Variants in WDFY3 observed in about 807,000 individuals in gnomAD.
WDFY3 encodes WD repeat and FYVE domain containing 3.
WDFY3 carries 66 observed loss-of-function variants against 409.6 expected under a neutral mutation model. That is an observed-to-expected ratio of 0.16 (90% CI 0.13 to 0.20). WDFY3 has a LOEUF of 0.20. Ranked by LOEUF, WDFY3 falls within the 10% of genes least tolerant of loss-of-function variation. The probability of loss-of-function intolerance (pLI) is 1.00; values close to 1 mark genes in which losing one functional copy is unlikely to be tolerated. For missense variants in WDFY3, 3,031 were observed against 4,298.1 expected, an observed-to-expected ratio of 0.71 and a Z score of 8.24; for synonymous variants, 1,521 against 1,537.1, an observed-to-expected ratio of 0.99 and a Z score of 0.25.
At chr4:84,711,778 G>A (rs1215656057) in intron 51 of WDFY3, among the ~76,000 whole-genome samples, 1 of 151,776 alleles carries the variant, frequency 6.6e-6, no homozygotes. Context: ...TTGAACCTGG[G>A]ACGCGGAGGC....
chr4:84,715,280 G>C lies in WDFY3; in HGVS notation c.7961+18C>G. The C allele has an allele frequency of 6.7e-7, 1 of 1,488,280 alleles. No homozygotes were observed. The highest frequency in any genetic ancestry group is 9.3e-7 in the Non-Finnish European group (1 of 1,069,560). 92.2% of individuals were successfully genotyped at this position (1,488,280 alleles called of 1,614,324 possible). A position where few individuals can be genotyped will look rare whatever the true frequency, so the allele number is the denominator to read the frequency against. ...ATCTTCCCATAATAGTATACAAAGT[G>C]TTCCGAATAAACAAGACCTTTGATA... On this transcript the variant is annotated intron_variant, in intron 50 of 67. Transcript: ENST00000295888.
intron 3 of WDFY3, among the ~76,000 whole-genome samples, chr4:84,887,785 A>T (rs1301463449): frequency 2.0e-5 from 3 of 152,206 alleles, no homozygotes; most frequent in Admixed American, 2.0e-4. Context: ...TATTAAATGG[A>T]AGCTCTTTGT....
At chr4:84,934,225 G>A (rs376902615) in intron 1 of WDFY3, among the ~76,000 whole-genome samples, 1 of 152,092 alleles carries the variant, frequency 6.6e-6, no homozygotes, top group Non-Finnish European at 1.5e-5. Flanking sequence ...TTAATGGGAC[G>A]AGTTGATACC....
At chr4:84,744,522 T>C (rs925160250) in intron 36 of WDFY3, among the ~76,000 whole-genome samples, 2 of 151,388 alleles carry the variant, frequency 1.3e-5, no homozygotes, top group Non-Finnish European at 2.9e-5. Context: ...TGATTTTGAG[T>C]CAAGCCTGTG....
intron 16 of WDFY3, among the ~76,000 whole-genome samples, chr4:84,802,367 C>A (rs995157229): frequency 6.6e-6 from 1 of 151,750 alleles, no homozygotes; most frequent in Non-Finnish European, 1.5e-5. Flanking sequence ...TCAAGCAATT[C>A]TCCTGCCTCA....
intron 50 of WDFY3, among the ~76,000 whole-genome samples, chr4:84,714,266 T>C (rs938622894): frequency 3.3e-5 from 5 of 152,116 alleles, no homozygotes; most frequent in Non-Finnish European, 7.4e-5. Flanking sequence ...TGTGCCACCA[T>C]GCCCGGCTAA....
intron 64 of WDFY3, 60 bp downstream of exon 64, chr4:84,682,314 C>T (rs1230428007): frequency 1.3e-5 from 20 of 1,508,218 alleles, no homozygotes; most frequent in Non-Finnish European, 1.8e-5. Context: ...TAAGCTTATC[C>T]ACAGTGACTT....
chr4:84,897,370 TTTTTA>T (rs1429538211), intron 2 of WDFY3, among the ~76,000 whole-genome samples: 2 of 152,092 alleles, frequency 1.3e-5, no homozygotes, highest in Non-Finnish European at 2.9e-5. Flanking sequence ...AAATGCACTT[TTTTTA>T]TTTTATTATT....
intron 2 of WDFY3, among the ~76,000 whole-genome samples, chr4:84,917,629 A>G (rs1416797420): frequency 6.6e-6 from 1 of 152,144 alleles, no homozygotes; most frequent in Non-Finnish European, 1.5e-5. Context: ...TTTCTATTAA[A>G]CACAGCAAAT....
intron 15 of WDFY3, among the ~76,000 whole-genome samples, chr4:84,808,121 T>C (rs1172971401): frequency 6.6e-6 from 1 of 152,052 alleles, no homozygotes; most frequent in African/African-American, 2.4e-5. Context: ...ATGTCCTTCA[T>C]AGTTTCATAG....
chr4:84,738,983 A>T, intron 40 of WDFY3, 27 bp downstream of exon 40: 1 of 1,609,758 alleles, frequency 6.2e-7, no homozygotes, highest in South Asian at 1.1e-5. Context: ...ACCACAATTT[A>T]AAAACATCCC....
chr4:84,819,517 CAAGT>C (rs896904960), intron 12 of WDFY3, among the ~76,000 whole-genome samples: 1 of 151,952 alleles, frequency 6.6e-6, no homozygotes, highest in Non-Finnish European at 1.5e-5. Context: ...ATTAAAATCT[CAAGT>C]AATCTTTTTT....
chr4:84,713,194 T>TA lies in WDFY3; in HGVS notation c.8006dup (p.Ser2670IlefsTer17). On this transcript the variant is annotated frameshift_variant, in exon 51 of 68. Transcript: ENST00000295888. LOFTEE classifies it high-confidence loss of function. ...CACTCGTGTTTGGTCGTTGCCCAGATACAGATTCTGAACTGTCCGTTAGAG... is the reference window on the plus strand; with the variant it reads ...CACTCGTGTTTGGTCGTTGCCCAGATAACAGATTCTGAACTGTCCGTTAGAG... 6.2e-7 allele frequency: 1 copy of TA among 1,614,194 alleles called. No homozygotes were observed. Among genetic ancestry groups the TA allele is most frequent in the Non-Finnish European group, 8.5e-7 (1 of 1,180,034 alleles).
At chr4:84,888,785 G>C (rs1310604054) in intron 3 of WDFY3, among the ~76,000 whole-genome samples, 6 of 151,550 alleles carry the variant, frequency 4.0e-5, no homozygotes, top group African/African-American at 1.2e-4. Flanking sequence ...ACTAACCAAG[G>C]TGAGAATATT....
chr4:84,675,362 T>G (rs999094741), intron 67 of WDFY3, among the ~76,000 whole-genome samples: 1 of 152,186 alleles, frequency 6.6e-6, no homozygotes, highest in Non-Finnish European at 1.5e-5. Context: ...CTGCAACATT[T>G]TGGGTCCCTC....
chr4:84,850,841 G>A (rs1758815065), intron 4 of WDFY3, among the ~76,000 whole-genome samples: 1 of 150,092 alleles, frequency 6.7e-6, no homozygotes, highest in Non-Finnish European at 1.5e-5. Flanking sequence ...AGAAATGGGA[G>A]GGTCATGAAA....
rs753595799 is a variant in WDFY3 at position 84,696,036 on chromosome 4, G to A, written c.8835C>T (p.Ile2945=). ...TGGCTGTCTCCTTTAGTGGGTCATT[G>A]ATGTTGTAGATATCCACTTGACCCT... ...FYEGQVDIYN[I]NDPLKETATI... Residue 2945 remains isoleucine (I), a synonymous_variant, in exon 58 of 68, where the codon ATC becomes ATT. Transcript: ENST00000295888. 6 of 1,614,124 alleles carry A rather than the reference G, an allele frequency of 3.7e-6. No individual in the cohort carries two copies. Among genetic ancestry groups the A allele is most frequent in the Middle Eastern group, 3.3e-4 (2 of 6,062 alleles).
chr4:84,928,400 C>T (rs533586827), intron 2 of WDFY3, among the ~76,000 whole-genome samples: 1 of 152,276 alleles, frequency 6.6e-6, no homozygotes, highest in East Asian at 1.9e-4. Context: ...TGAGACTTCT[C>T]AGTCTCCATA....
intron 7 of WDFY3, 58 bp downstream of exon 7, chr4:84,836,871 G>A (rs1488112040): frequency 1.3e-5 from 17 of 1,323,506 alleles, no homozygotes; most frequent in Non-Finnish European, 9.8e-7. Context: ...ATCTATTTAG[G>A]AAGTATACCC....
Sources: allele counts gnomAD v4.1 joint callset (sites outside exome capture counted in the v4.1 genomes callset), GRCh38; gene constraint gnomAD v4.1.1; transcripts MANE v1.5; gene names NCBI Gene and HGNC (gene_info 2026-07-23, HGNC 2026-07-21).